The following SH3RF1 variants were observed in gnomAD, a reference collection of about 807,000 sequenced individuals.
The protein encoded by SH3RF1 is E3 ubiquitin-protein ligase SH3RF1.
In SH3RF1, 32 loss-of-function variants were observed where a neutral mutation model predicts 74.0. The ratio of observed to expected loss-of-function variants is 0.43; its 90% confidence interval spans 0.33 to 0.58. SH3RF1 has a LOEUF of 0.58. Among genes scored for constraint, SH3RF1 ranks in the 20% least tolerant of loss-of-function variants. The probability of loss-of-function intolerance (pLI) is 0.05; values close to 1 mark genes in which losing one functional copy is unlikely to be tolerated. For synonymous variants in SH3RF1, 396 were observed against 439.6 expected (o/e 0.90, Z 1.24); for missense variants, 954 against 1,130.9 (o/e 0.84, Z 2.24).
At chr4:169,227,869 T>C (rs2706725) in intron 2 of SH3RF1, among the ~76,000 whole-genome samples, 73,288 of 152,086 alleles carry the variant, frequency 0.48, 18,723 homozygotes, top group East Asian at 0.78. Flanking sequence ...CAGAGTTTAT[T>C]GCATTTTTCA....
intron 2 of SH3RF1, among the ~76,000 whole-genome samples, chr4:169,211,073 A>C (rs1730352908): frequency 6.6e-6 from 1 of 152,218 alleles, no homozygotes; most frequent in African/African-American, 2.4e-5. Context: ...GAACAATGCA[A>C]ATAAGGACAA....
At position 169,187,942 on chromosome 4, in the gene SH3RF1, T is replaced by C. The variant is rs141903561; in HGVS notation, c.394-31263A>G. 4.7e-4 allele frequency among the ~76,000 whole-genome samples: 72 copies of C among 152,250 alleles called. 1 individual carries two copies. Among genetic ancestry groups the C allele is most frequent in the African/African-American group, 1.6e-3 (66 of 41,542 alleles). On this transcript the variant is annotated intron_variant, in intron 2 of 11. Transcript: ENST00000284637. ...TGTGGACCCTAAATCCAATGCCTGA[T>C]GAAGGCCATGTGAAAACACAGAGAC...
intron 6 of SH3RF1, among the ~76,000 whole-genome samples, chr4:169,123,170 A>G (rs1374636725): frequency 6.6e-6 from 1 of 152,258 alleles, no homozygotes; most frequent in Non-Finnish European, 1.5e-5. Flanking sequence ...AATGGCTTCT[A>G]TATGTCAGCA....
intron 4 of SH3RF1, among the ~76,000 whole-genome samples, chr4:169,147,176 C>T (rs1733906694): frequency 6.6e-6 from 1 of 152,176 alleles, no homozygotes; most frequent in South Asian, 2.1e-4. Flanking sequence ...GTTTCCATTA[C>T]ATATTTGTTC....
At chr4:169,200,973 G>A (rs1252560221) in intron 2 of SH3RF1, among the ~76,000 whole-genome samples, 5 of 152,002 alleles carry the variant, frequency 3.3e-5, no homozygotes, top group Non-Finnish European at 7.4e-5. Context: ...GTGTGCTCTC[G>A]AGCCAGTCAG....
At chr4:169,214,597 T>A (rs1408359857) in intron 2 of SH3RF1, among the ~76,000 whole-genome samples, 1 of 152,242 alleles carries the variant, frequency 6.6e-6, no homozygotes. Flanking sequence ...TTTATTTCTT[T>A]CATCGGATTT....
chr4:169,245,553 T>C (rs762211268), intron 2 of SH3RF1, among the ~76,000 whole-genome samples: 1 of 152,164 alleles, frequency 6.6e-6, no homozygotes, highest in Non-Finnish European at 1.5e-5. Flanking sequence ...AAAGCTCCAA[T>C]TGGTCTAACA....
chr4:169,104,882 C>A (rs1371690089), intron 11 of SH3RF1, among the ~76,000 whole-genome samples: 1 of 139,850 alleles, frequency 7.2e-6, no homozygotes, highest in Non-Finnish European at 1.5e-5. Flanking sequence ...GCCTGGGCAA[C>A]AGAGTGAGAC....
chr4:169,226,786 G>A (rs1003656756), intron 2 of SH3RF1, among the ~76,000 whole-genome samples: 1 of 152,092 alleles, frequency 6.6e-6, no homozygotes, highest in Admixed American at 6.5e-5. Context: ...ACTGTGATTG[G>A]GATGATGAAT....
At chr4:169,112,576 C>T (rs1733259747) in intron 10 of SH3RF1, among the ~76,000 whole-genome samples, 1 of 152,156 alleles carries the variant, frequency 6.6e-6, no homozygotes, top group South Asian at 2.1e-4. Flanking sequence ...TGCAAATCAT[C>T]CCTGCAGATG....
At chr4:169,160,789 G>A (rs981608226) in intron 2 of SH3RF1, among the ~76,000 whole-genome samples, 1 of 152,200 alleles carries the variant, frequency 6.6e-6, no homozygotes, top group African/African-American at 2.4e-5. Flanking sequence ...ACAGACTGCA[G>A]ATGATTAAGG....
At chr4:169,122,291 A>G (rs1332447941) in intron 6 of SH3RF1, 25 bp from the exon 7 acceptor site, 3 of 1,543,478 alleles carry the variant, frequency 1.9e-6, no homozygotes, top group Non-Finnish European at 2.6e-6. Flanking sequence ...ACATAAAGAG[A>G]AAGGGAAAAA....
At position 169,117,703 on chromosome 4, in the gene SH3RF1, G is replaced by T; in HGVS notation, c.1597C>A (p.Pro533Thr). ...QTSRGVTMVS[P>T]STAGGPAQKL... The stretch of plus-strand genomic sequence containing the variant: ...TGGGCAGGCCCTCCTGCCGTGGAAG[G>T]ACTGACCATGGTCACTCCCCGACTT... The change falls in exon 9 of 12, where the codon CCT (proline) becomes ACT (threonine). Residue 533 changes from proline to threonine, a missense_variant. By Grantham distance (38) the Pro-to-Thr change is conservative (BLOSUM62 -1). Around this residue, in one of 3 missense-constraint regions of SH3RF1, gnomAD observed 854 missense variants for 962.5 expected, o/e 0.89. Transcript: ENST00000284637. 6.2e-7 allele frequency: 1 copy of T among 1,614,162 alleles called. No individual in the cohort carries two copies. Among genetic ancestry groups the T allele is most frequent in the Non-Finnish European group, 8.5e-7 (1 of 1,180,032 alleles).
At chr4:169,185,975 G>A (rs1158718159) in intron 2 of SH3RF1, among the ~76,000 whole-genome samples, 7 of 152,120 alleles carry the variant, frequency 4.6e-5, no homozygotes, top group African/African-American at 1.2e-4. Context: ...ACTCTCCACC[G>A]CCTGCTTCCT....
intron 4 of SH3RF1, among the ~76,000 whole-genome samples, chr4:169,150,732 C>T (rs1343295061): frequency 1.3e-5 from 2 of 152,086 alleles, no homozygotes; most frequent in Non-Finnish European, 2.9e-5. Flanking sequence ...ATGTGAGGGA[C>T]TTGAGCATCC....
chr4:169,143,668 A>G (rs559140265), intron 4 of SH3RF1, among the ~76,000 whole-genome samples: 2 of 152,314 alleles, frequency 1.3e-5, no homozygotes, highest in East Asian at 3.9e-4. Flanking sequence ...AAGCAGTAGG[A>G]CAGGGAGGAA....
intron 2 of SH3RF1, among the ~76,000 whole-genome samples, chr4:169,219,275 T>TA (rs1730522759): frequency 6.6e-6 from 1 of 152,216 alleles, no homozygotes; most frequent in Admixed American, 6.5e-5. Context: ...AGGAGAGGGT[T>TA]AATTTATGCC....
At chr4:169,236,209 G>A (rs930134200) in intron 2 of SH3RF1, among the ~76,000 whole-genome samples, 1 of 152,160 alleles carries the variant, frequency 6.6e-6, no homozygotes, top group African/African-American at 2.4e-5. Flanking sequence ...CCTTGAAATG[G>A]AATCATGGCC....
intron 2 of SH3RF1, among the ~76,000 whole-genome samples, chr4:169,181,933 T>C (rs943844552): frequency 2.0e-5 from 3 of 152,184 alleles, no homozygotes; most frequent in African/African-American, 7.2e-5. Context: ...GATATTCTAT[T>C]AGACACCTCT....
Sources: allele counts gnomAD v4.1 joint callset (sites outside exome capture counted in the v4.1 genomes callset), GRCh38; gene constraint gnomAD v4.1.1; regional missense constraint gnomAD v4.1.1; transcripts MANE v1.5; gene names NCBI Gene and HGNC (gene_info 2026-07-23, HGNC 2026-07-21).